ZNF471: variants seen among roughly 807,000 people sequenced by gnomAD.
ZNF471 encodes the protein zinc finger protein 471.
Under a neutral mutation model 13.7 loss-of-function variants are expected in ZNF471, and 7 were observed. That is an observed-to-expected ratio of 0.51 (90% CI 0.29 to 0.96). ZNF471 has a LOEUF of 0.96. ZNF471 is among the 40% of genes least tolerant of loss of function. ZNF471 has a pLI of 0.08. For synonymous variants in ZNF471, 218 were observed against 235.6 expected, an observed-to-expected ratio of 0.93 and a Z score of 0.68; for missense variants, 663 against 743.3, an observed-to-expected ratio of 0.89 and a Z score of 1.26.
rs1300192664 is a variant in ZNF471 at position 56,508,335 on chromosome 19, G to T, written c.-56+415G>T. Among the ~76,000 whole-genome samples, 1 of 152,068 alleles carries T rather than the reference G, an allele frequency of 6.6e-6. No individual in the cohort carries two copies. The highest frequency in any genetic ancestry group is 2.1e-4 in the South Asian group (1 of 4,818). On this transcript the variant is annotated intron_variant, in intron 1 of 4. Transcript: ENST00000308031. The surrounding 1 kb of genome is among the most constrained non-coding windows in gnomAD (Gnocchi z 4.7). The stretch of plus-strand genomic sequence containing the variant: ...GGGCCAGTGTGAGAGACCAGTGAGT[G>T]TGAGAGAGATAGGGATGTGCCTGCA...
At position 56,522,716 on chromosome 19, in the gene ZNF471, T is replaced by C. The variant is rs1019577714; in HGVS notation, c.257-1608T>C. Among the ~76,000 whole-genome samples, 2 of 151,944 alleles carry C rather than the reference T, an allele frequency of 1.3e-5. No individual in the cohort carries two copies. The highest frequency in any genetic ancestry group is 1.3e-4 in the Admixed American group (2 of 15,240). ...TTTCTTCTATCTATGGTAAGTGATG[T>C]AGCAATATATTTTTTCTTTTTTTCT... is the stretch of plus-strand genomic sequence containing the variant. On this transcript the variant is annotated intron_variant, in intron 4 of 4. Transcript: ENST00000308031. The surrounding 1 kb of genome is among the most constrained non-coding windows in gnomAD (Gnocchi z 4.1).
intron 2 of ZNF471, among the ~76,000 whole-genome samples, chr19:56,513,503 C>T (rs547974169): frequency 6.6e-6 from 1 of 152,168 alleles, no homozygotes; most frequent in Non-Finnish European, 1.5e-5. Flanking sequence ...TTAATTCTCT[C>T]TTTAATTCTC....
chr19:56,515,920 T>G (rs554007991), intron 2 of ZNF471, among the ~76,000 whole-genome samples: 1 of 152,326 alleles, frequency 6.6e-6, no homozygotes, highest in Non-Finnish European at 1.5e-5. Context: ...TCAATGCCTT[T>G]CTCCAGCCCC....
At chr19:56,523,447 A>AT (rs2044000605) in intron 4 of ZNF471, among the ~76,000 whole-genome samples, 1 of 151,896 alleles carries the variant, frequency 6.6e-6, no homozygotes, top group African/African-American at 2.4e-5. Flanking sequence ...ATCTCTTAAT[A>AT]TGCAGATTAA....
intron 2 of ZNF471, among the ~76,000 whole-genome samples, chr19:56,512,939 A>G (rs1187826195): frequency 6.6e-6 from 1 of 152,210 alleles, no homozygotes; most frequent in East Asian, 1.9e-4. Flanking sequence ...GAGATATTAA[A>G]AAACATTTAC....
In ZNF471 at chr19:56,525,551, CTT is replaced by C. The variant is rs781196948; in HGVS notation, c.1487_1488del (p.Phe496Ter). On this transcript the variant is annotated frameshift_variant, in exon 5 of 5. Transcript: ENST00000308031. LOFTEE classifies it low-confidence loss of function (END_TRUNC). ...TATGAATGTAAAGAATGTGGAAAAG[CTT>C]TTAGAATCAGTTCACAGCTGGCTAC... 16 of 1,613,890 alleles carry C rather than the reference CTT, an allele frequency of 9.9e-6. No homozygotes were observed. Among genetic ancestry groups the C allele is most frequent in the Non-Finnish European group, 1.2e-5 (14 of 1,180,002 alleles).
In ZNF471 at chr19:56,526,028, C is replaced by T; in HGVS notation, c.*80C>T. 1.4e-6 allele frequency: 2 copies of T among 1,391,582 alleles called. No homozygotes were observed. Among genetic ancestry groups the T allele is most frequent in the Non-Finnish European group, 9.7e-7 (1 of 1,036,088 alleles). The allele number at this position is 1,391,582 out of a possible 1,614,324, so 86.2% of individuals were successfully genotyped here. A position where few individuals can be genotyped will look rare whatever the true frequency, so the allele number is the denominator to read the frequency against. On this transcript the variant is annotated 3_prime_UTR_variant, in exon 5 of 5. Coordinates refer to ENST00000308031, the MANE Select transcript of ZNF471 (RefSeq NM_020813.4). ...CAGAGATGTCCCACTGGATAAAAAA[C>T]ATATAAATGTAAGAAATGTAGAAAA... is the stretch of plus-strand genomic sequence containing the variant.
At position 56,525,611 on chromosome 19, in the gene ZNF471, A is replaced by G. The variant is rs999513440; in HGVS notation, c.1544A>G (p.Tyr515Cys). The change falls in exon 5 of 5, where the codon TAT becomes TGT. Residue 515 changes from tyrosine to cysteine, a missense_variant. Coordinates refer to ENST00000308031, the MANE Select transcript of ZNF471 (RefSeq NM_020813.4). The stretch of plus-strand genomic sequence containing the variant: ...AGAATTCATACTGGAGAGAAGCCTT[A>G]TGAATGTATTGAATGTGGAAATGCT... ...HQRIHTGEKP[Y>C]ECIECGNAFK... 59 of 1,614,082 alleles carry G rather than the reference A, an allele frequency of 3.7e-5. No individual in the cohort carries two copies. Among genetic ancestry groups the G allele is most frequent in the Non-Finnish European group, 5.0e-5 (59 of 1,180,042 alleles).
rs2043986028 is a variant in ZNF471 at position 56,522,411 on chromosome 19, C to T, written c.257-1913C>T. 6.6e-6 allele frequency among the ~76,000 whole-genome samples: 1 copy of T among 152,204 alleles called. No individual in the cohort carries two copies. The highest frequency in any genetic ancestry group is 6.5e-5 in the Admixed American group (1 of 15,282). On this transcript the variant is annotated intron_variant, in intron 4 of 4. Coordinates refer to ENST00000308031, the MANE Select transcript of ZNF471 (RefSeq NM_020813.4). This position sits in a 1 kb window ranked among gnomAD's most constrained non-coding sequence, Gnocchi z 4.1. ...ACTTGATTATGTTTTGTATTATCTT[C>T]TCAAAACTTTTTTTGTTGGTCTTGT...
chr19:56,512,283 A>G (rs1375368114), intron 2 of ZNF471, among the ~76,000 whole-genome samples: 2 of 151,182 alleles, frequency 1.3e-5, no homozygotes, highest in East Asian at 3.9e-4. Context: ...TTCAAAGTTA[A>G]TGATTTTTCG....
In ZNF471 at chr19:56,525,231, A is replaced by T; in HGVS notation, c.1164A>T (p.Ile388=). 6.2e-7 allele frequency: 1 copy of T among 1,614,136 alleles called. No homozygotes were observed. Among genetic ancestry groups the T allele is most frequent in the East Asian group, 2.2e-5 (1 of 44,872 alleles). The change falls in exon 5 of 5, where the codon ATA becomes ATT. Residue 388 remains isoleucine, a synonymous_variant. Coordinates refer to ENST00000308031, the MANE Select transcript of ZNF471 (RefSeq NM_020813.4). The stretch of plus-strand genomic sequence containing the variant: ...GTGGGAAAGCCTTCAGTGTTCACAT[A>T]GGACTTATTCTGCATAGGAGAATTC... ...IDCGKAFSVH[I]GLILHRRIHT... is the part of the protein sequence containing the mutation.
At chr19:56,521,235 T>A (rs2043966234) in intron 4 of ZNF471, among the ~76,000 whole-genome samples, 1 of 152,190 alleles carries the variant, frequency 6.6e-6, no homozygotes, top group South Asian at 2.1e-4. Flanking sequence ...CTACCCACTA[T>A]GTGGTACAGT....
At chr19:56,521,208 C>T (rs2043966058) in intron 4 of ZNF471, among the ~76,000 whole-genome samples, 1 of 152,076 alleles carries the variant, frequency 6.6e-6, no homozygotes, top group Non-Finnish European at 1.5e-5. Context: ...GGGACACAGC[C>T]AAACCACATC....
At position 56,516,425 on chromosome 19, in the gene ZNF471, T is replaced by A; in HGVS notation, c.160+24T>A. The A allele has an allele frequency of 6.3e-7, 1 of 1,591,778 alleles. No homozygotes were observed. ...TGGTGAGGATCTTTTCCCTCCTGCA[T>A]AATCTACCTTTAAGGAACTTTTTTG... On this transcript the variant is annotated intron_variant, in intron 3 of 4. Coordinates refer to ENST00000308031, the MANE Select transcript of ZNF471 (RefSeq NM_020813.4). The surrounding 1 kb of genome is among the most constrained non-coding windows in gnomAD (Gnocchi z 4.4).
rs535119506 is a variant in ZNF471, at chr19:56,517,126, T to A, written c.160+725T>A. Among the ~76,000 whole-genome samples, 22 of 151,352 alleles carry A rather than the reference T, an allele frequency of 1.5e-4. No individual in the cohort carries two copies. The South Asian group carries it at 4.4e-3, about 30-fold the overall frequency. The stretch of plus-strand genomic sequence containing the variant: ...AAAAATCTTTGTTCTGTTTTAATTT[T>A]AATTTTTCTCTCGCTCTCTTTTTTT... On this transcript the variant is annotated intron_variant, in intron 3 of 4. Coordinates refer to ENST00000308031, the MANE Select transcript of ZNF471 (RefSeq NM_020813.4).
intron 3 of ZNF471, 43 bp from the exon 4 acceptor site, chr19:56,518,439 A>C: frequency 2.0e-6 from 3 of 1,521,226 alleles, no homozygotes; most frequent in Non-Finnish European, 1.8e-6. Flanking sequence ...TTCTGAAATA[A>C]CCCAAAACAT....
rs1170860805 is a variant in ZNF471 at position 56,518,622 on chromosome 19, G to A, written c.256+45G>A. On this transcript the variant is annotated intron_variant, in intron 4 of 4. Transcript: ENST00000308031. ...AGAGGGGAATCTTTTTGACATAATG[G>A]CTCAGCCATTTTTAGAGGTGATACC... is the stretch of plus-strand genomic sequence containing the variant. 5 of 1,537,082 alleles carry A rather than the reference G, an allele frequency of 3.3e-6. No homozygotes were observed. The African/African-American group carries it at 5.5e-5, about 17-fold the overall frequency.
chr19:56,507,996 G>A (rs932030604), intron 1 of ZNF471, 76 bp downstream of exon 1: 3 of 985,736 alleles, frequency 3.0e-6, no homozygotes, highest in African/African-American at 3.5e-5. Context: ...CGGCTCCGAC[G>A]CGGGTCGCGA....
intron 4 of ZNF471, among the ~76,000 whole-genome samples, chr19:56,521,652 A>AATC (rs377255175): frequency 3.4e-5 from 5 of 147,286 alleles, no homozygotes; most frequent in African/African-American, 1.3e-4. Flanking sequence ...AAAAAAAAAA[A>AATC]AAAAAAACTC....
Sources: allele counts gnomAD v4.1 joint callset (sites outside exome capture counted in the v4.1 genomes callset), GRCh38; gene constraint gnomAD v4.1.1; non-coding constraint Gnocchi (gnomAD v3.1); transcripts MANE v1.5; gene names NCBI Gene and HGNC (gene_info 2026-07-23, HGNC 2026-07-21).